LCP2: variants seen among roughly 807,000 people sequenced by gnomAD.
LCP2 encodes the protein lymphocyte cytosolic protein 2.
In LCP2, 29 loss-of-function variants were observed where a neutral mutation model predicts 74.5. That is an observed-to-expected ratio of 0.39 (90% CI 0.29 to 0.53). The LOEUF (loss-of-function observed/expected upper bound fraction) is 0.53, where lower values mean the gene tolerates loss of function less well. Ranked by LOEUF, LCP2 falls within the 20% of genes least tolerant of loss-of-function variation. LCP2 has a pLI of 0.72. For synonymous variants in LCP2, 228 were observed against 229.5 expected (o/e 0.99, Z 0.06); for missense variants, 604 against 634.6 (o/e 0.95, Z 0.52).
intron 17 of LCP2, among the ~76,000 whole-genome samples, chr5:170,253,501 C>A (rs1161572052): frequency 6.6e-6 from 1 of 152,068 alleles, no homozygotes; most frequent in African/African-American, 2.4e-5. Flanking sequence ...GTGACTAGAT[C>A]CCTTTATAAA....
chr5:170,291,226 A>G (rs201606114), intron 2 of LCP2, among the ~76,000 whole-genome samples: 94 of 52,902 alleles, frequency 1.8e-3, no homozygotes, highest in African/African-American at 3.2e-3. Flanking sequence ...AGGAAGGAAG[A>G]AAGGAAGGAA....
chr5:170,296,046 A>G (rs1472437938), intron 1 of LCP2, among the ~76,000 whole-genome samples: 2 of 152,164 alleles, frequency 1.3e-5, no homozygotes, highest in African/African-American at 4.8e-5. Flanking sequence ...TGTTAGGCCT[A>G]TCTGTGCCTC....
At chr5:170,267,257 T>C (rs1185112406) in intron 8 of LCP2, 182 bp from the exon 9 acceptor site, 3 of 623,448 alleles carry the variant, frequency 4.8e-6, no homozygotes, top group Middle Eastern at 4.3e-4. Context: ...TTCTAGACTC[T>C]GCCACGCAAG....
At chr5:170,293,429 C>T (rs528665297) in intron 1 of LCP2, 57 bp from the exon 2 acceptor site, 3 of 1,505,218 alleles carry the variant, frequency 2.0e-6, no homozygotes, top group East Asian at 4.9e-5. Flanking sequence ...CCATTGGTTC[C>T]TCTCCCTTGC....
At chr5:170,272,111 A>G (rs1223692346) in intron 6 of LCP2, among the ~76,000 whole-genome samples, 1 of 152,170 alleles carries the variant, frequency 6.6e-6, no homozygotes, top group Non-Finnish European at 1.5e-5. Flanking sequence ...GGAGGTCCGC[A>G]GGCACGTGGC....
chr5:170,254,201 C>T (rs1447369152), intron 17 of LCP2, among the ~76,000 whole-genome samples: 1 of 152,190 alleles, frequency 6.6e-6, no homozygotes, highest in Non-Finnish European at 1.5e-5. Flanking sequence ...CTAAGCAAAT[C>T]ATGCGCTATC....
intron 5 of LCP2, among the ~76,000 whole-genome samples, chr5:170,274,565 T>G (rs1318237419): frequency 3.3e-5 from 5 of 152,126 alleles, no homozygotes; most frequent in Non-Finnish European, 7.4e-5. Context: ...TTCTCAACCT[T>G]TCTCGTGTGT....
intron 3 of LCP2, among the ~76,000 whole-genome samples, chr5:170,278,031 G>C (rs1355185272): frequency 1.3e-5 from 2 of 151,328 alleles, no homozygotes; most frequent in African/African-American, 4.9e-5. Context: ...TTAAGTGGTT[G>C]TTTCAAGAAG....
intron 3 of LCP2, among the ~76,000 whole-genome samples, chr5:170,284,288 A>G (rs1032796264): frequency 1.3e-5 from 2 of 152,226 alleles, no homozygotes; most frequent in African/African-American, 4.8e-5. Flanking sequence ...CACCTGTGGC[A>G]GTACAGTTCA....
At chr5:170,255,521 TTC>T (rs1761534570) in intron 17 of LCP2, among the ~76,000 whole-genome samples, 1 of 152,242 alleles carries the variant, frequency 6.6e-6, no homozygotes, top group Non-Finnish European at 1.5e-5. Flanking sequence ...AATTTCACTT[TTC>T]TTGAGAAAAA....
chr5:170,275,385 T>C, intron 4 of LCP2, 34 bp from the exon 5 acceptor site: 1 of 1,613,252 alleles, frequency 6.2e-7, no homozygotes, highest in Non-Finnish European at 8.5e-7. Flanking sequence ...TTAATGGTCT[T>C]CTCGATTTAA....
At chr5:170,254,989 A>G (rs892217249) in intron 17 of LCP2, among the ~76,000 whole-genome samples, 6 of 152,248 alleles carry the variant, frequency 3.9e-5, no homozygotes, top group Non-Finnish European at 8.8e-5. Flanking sequence ...TGTTCCAAAA[A>G]TAATTAACTA....
intron 1 of LCP2, among the ~76,000 whole-genome samples, chr5:170,295,361 C>T (rs1396958305): frequency 6.6e-6 from 1 of 152,216 alleles, no homozygotes; most frequent in Non-Finnish European, 1.5e-5. Context: ...GCAGAAGGAA[C>T]ACGCATTAGG....
chr5:170,289,711 T>TTCTCTCTCTCTCTCTCTC (rs1561978510), intron 2 of LCP2, among the ~76,000 whole-genome samples: 4 of 143,046 alleles, frequency 2.8e-5, no homozygotes, highest in African/African-American at 7.8e-5. Context: ...CCTTCTTTCT[T>TTCTCTCTCTCTCTCTCTC]TCTTTCCTTT....
intron 2 of LCP2, among the ~76,000 whole-genome samples, chr5:170,289,353 T>G (rs1460460714): frequency 6.6e-6 from 1 of 152,214 alleles, no homozygotes. Context: ...GGGAGCTGCC[T>G]GTCAGGTTTT....
chr5:170,289,349 T>C (rs1208882635), intron 2 of LCP2, among the ~76,000 whole-genome samples: 1 of 152,188 alleles, frequency 6.6e-6, no homozygotes, highest in Non-Finnish European at 1.5e-5. Flanking sequence ...TTCTGGGAGC[T>C]GCCTGTCAGG....
intron 2 of LCP2, among the ~76,000 whole-genome samples, chr5:170,290,433 C>T (rs113932266): frequency 1.3e-5 from 2 of 152,190 alleles, no homozygotes; most frequent in African/African-American, 4.8e-5. Context: ...GTGGAGGTCA[C>T]ATGACTCTGT....
intron 6 of LCP2, chr5:170,273,924 G>T (rs921476586): frequency 2.5e-4 from 49 of 199,970 alleles, no homozygotes; most frequent in African/African-American, 1.0e-3. Context: ...TGGAGACGGG[G>T]GGGTAGTGGG....
rs559694166 is a variant in LCP2 at position 170,248,007 on chromosome 5, G to A, written c.*690C>T. 114 of 152,236 alleles carry A rather than the reference G, an allele frequency of 7.5e-4. No individual in the cohort carries two copies. The highest frequency in any genetic ancestry group is 2.7e-3 in the African/African-American group (111 of 41,536). The allele number at this position is 152,236 out of a possible 1,614,324, so 9.4% of individuals were successfully genotyped here. On this transcript the variant is annotated 3_prime_UTR_variant, in exon 21 of 21. Coordinates refer to ENST00000046794, the MANE Select transcript of LCP2 (RefSeq NM_005565.5). ...AAAATGTTTTCTTTTGGTATTTGTA[G>A]TTTAAATTTTCTTTAAGACAAAAAT...
Sources: allele counts gnomAD v4.1 joint callset (sites outside exome capture counted in the v4.1 genomes callset), GRCh38; gene constraint gnomAD v4.1.1; transcripts MANE v1.5; gene names NCBI Gene and HGNC (gene_info 2026-07-23, HGNC 2026-07-21).